OSBP2: variants seen among roughly 807,000 people sequenced by gnomAD.
OSBP2 encodes the protein oxysterol-binding protein 2.
In OSBP2, 66 loss-of-function variants were observed where a neutral mutation model predicts 96.0. The observed-to-expected ratio is 0.69, with a 90% confidence interval of 0.56 to 0.84. The LOEUF is 0.84. OSBP2 is among the 40% of genes least tolerant of loss of function. The pLI is 0.00. For synonymous variants in OSBP2, 525 were observed against 520.9 expected (o/e 1.01, Z -0.11); for missense variants, 1,038 against 1,222.7 (o/e 0.85, Z 2.25).
At position 30,871,849 on chromosome 22, in the gene OSBP2, G is replaced by A. The variant is rs1387343788; in HGVS notation, c.1107+1167G>A. On this transcript the variant is annotated intron_variant, in intron 3 of 13. Coordinates refer to ENST00000332585, the MANE Select transcript of OSBP2 (RefSeq NM_030758.4). This position sits in a 1 kb window ranked among gnomAD's most constrained non-coding sequence, Gnocchi z 4.7. ...CCCAAGCCGGCTTCACTGGCCTGTT[G>A]GCAGCATGATTGTGGGGCAGGAGGG... Among the ~76,000 whole-genome samples the A allele has an allele frequency of 6.6e-6, 1 of 152,256 alleles. No individual in the cohort carries two copies. The highest frequency in any genetic ancestry group is 6.5e-5 in the Admixed American group (1 of 15,290).
At chr22:30,703,531 A>G (rs2089196685) in intron 1 of OSBP2, among the ~76,000 whole-genome samples, 1 of 150,250 alleles carries the variant, frequency 6.7e-6, no homozygotes, top group South Asian at 2.1e-4. Flanking sequence ...GCTGGAGTGC[A>G]GTGGCACGAT....
At chr22:30,730,020 A>G (rs1429030396) in intron 1 of OSBP2, among the ~76,000 whole-genome samples, 1 of 151,874 alleles carries the variant, frequency 6.6e-6, no homozygotes, top group Non-Finnish European at 1.5e-5. Context: ...GTGCAGTGGC[A>G]CAATCTCGCT....
intron 2 of OSBP2, among the ~76,000 whole-genome samples, chr22:30,767,253 T>C (rs934663378): frequency 6.6e-6 from 1 of 151,122 alleles, no homozygotes; most frequent in African/African-American, 2.4e-5. Context: ...AAGGTTTCAG[T>C]GAGCTAAGGT....
At chr22:30,868,541 A>G (rs1229450667) in intron 2 of OSBP2, among the ~76,000 whole-genome samples, 2 of 152,252 alleles carry the variant, frequency 1.3e-5, no homozygotes, top group Non-Finnish European at 2.9e-5. Context: ...AGGCTCTGAG[A>G]GGTGAAGCCA....
At chr22:30,823,567 T>C (rs1482395073) in intron 2 of OSBP2, among the ~76,000 whole-genome samples, 1 of 152,250 alleles carries the variant, frequency 6.6e-6, no homozygotes, top group Non-Finnish European at 1.5e-5. Flanking sequence ...TGTAATTAAC[T>C]TTGCCTGCTT....
intron 2 of OSBP2, among the ~76,000 whole-genome samples, chr22:30,799,155 G>A (rs2090815212): frequency 6.8e-6 from 1 of 146,366 alleles, no homozygotes; most frequent in African/African-American, 2.5e-5. Context: ...TGTCGCCCAG[G>A]CTGGAGTGCA....
At chr22:30,827,427 G>A (rs943350476) in intron 2 of OSBP2, among the ~76,000 whole-genome samples, 4 of 152,176 alleles carry the variant, frequency 2.6e-5, no homozygotes, top group African/African-American at 9.7e-5. Context: ...GGCCTAAGGT[G>A]GTGAGAATTC....
At chr22:30,813,445 A>AT (rs2145861605) in intron 2 of OSBP2, among the ~76,000 whole-genome samples, 1 of 152,058 alleles carries the variant, frequency 6.6e-6, no homozygotes, top group South Asian at 2.1e-4. Flanking sequence ...AAGTGCTGGG[A>AT]TTATAGGCGT....
chr22:30,890,798 A>ACGTC lies in OSBP2; in HGVS notation c.1695_1696insGTCC (p.Lys566ValfsTer58). On this transcript the variant is annotated frameshift_variant, in exon 8 of 14. Coordinates refer to ENST00000332585, the MANE Select transcript of OSBP2 (RefSeq NM_030758.4). LOFTEE classifies it high-confidence loss of function. This position sits in a 1 kb window ranked among gnomAD's most constrained non-coding sequence, Gnocchi z 4.4. ...GACCTGGAGTACCACCACCTGCTGG[A>ACGTC]CAAGGCAGTGCACTGCACCAGCTCA... 1 of 1,613,602 alleles carries ACGTC rather than the reference A, an allele frequency of 6.2e-7. No homozygotes were observed. Among genetic ancestry groups the ACGTC allele is most frequent in the Non-Finnish European group, 8.5e-7 (1 of 1,180,014 alleles).
chr22:30,785,821 C>A (rs184178975), intron 2 of OSBP2, among the ~76,000 whole-genome samples: 2 of 152,004 alleles, frequency 1.3e-5, no homozygotes, highest in East Asian at 3.9e-4. Flanking sequence ...TCTGGCACTT[C>A]CCTATGCTCC....
At chr22:30,888,510 T>G (rs953687468) in intron 5 of OSBP2, among the ~76,000 whole-genome samples, 170 bp downstream of exon 5, 3 of 152,184 alleles carry the variant, frequency 2.0e-5, no homozygotes, top group African/African-American at 4.8e-5. Flanking sequence ...AGAAGATTGC[T>G]TGAATACAAG....
At chr22:30,863,605 A>G (rs901889393) in intron 2 of OSBP2, among the ~76,000 whole-genome samples, 4 of 152,176 alleles carry the variant, frequency 2.6e-5, no homozygotes, top group Non-Finnish European at 5.9e-5. Context: ...GCTTGAGGAC[A>G]AGGTCATGGG....
Position 30,812,004 on chromosome 22 carries a change from C to T in OSBP2, c.854-58425C>T, listed in dbSNP as rs188583153. On this transcript the variant is annotated intron_variant, in intron 2 of 13. Coordinates refer to ENST00000332585, the MANE Select transcript of OSBP2 (RefSeq NM_030758.4). Reference sequence around the variant, plus strand: ...CGAAGTACCTAGAACTACAGGTACACGCAACCACACCTGGCTAATTTTTTA... The same window carrying T: ...CGAAGTACCTAGAACTACAGGTACATGCAACCACACCTGGCTAATTTTTTA... 1.5e-4 allele frequency among the ~76,000 whole-genome samples: 22 copies of T among 151,568 alleles called. No individual in the cohort carries two copies. The East Asian group carries it at 2.9e-3, about 20-fold the overall frequency.
chr22:30,763,637 G>GAA lies in OSBP2; in HGVS notation c.853+22282_853+22283dup, dbSNP rs136338. Among the ~76,000 whole-genome samples the GAA allele has an allele frequency of 1.3e-3, 172 of 130,936 alleles. 1 individual carries two copies. Among genetic ancestry groups the GAA allele is most frequent in the East Asian group, 4.5e-3 (19 of 4,264 alleles). 85.9% of individuals were successfully genotyped at this position (130,936 alleles called of 152,430 possible). ...CTCCAGCCTGGGCAACAGAGTGACA[G>GAA]AAAAAAAAAAAAAAACCCACAGGTC... On this transcript the variant is annotated intron_variant, in intron 2 of 13. Transcript: ENST00000332585.
chr22:30,898,359 T>A (rs1017779338), intron 12 of OSBP2, among the ~76,000 whole-genome samples: 1 of 124,868 alleles, frequency 8.0e-6, no homozygotes, highest in African/African-American at 2.5e-5. Context: ...TCTCAAAAAA[T>A]AATAATAATT....
At chr22:30,845,077 A>G (rs994233593) in intron 2 of OSBP2, among the ~76,000 whole-genome samples, 1 of 152,260 alleles carries the variant, frequency 6.6e-6, no homozygotes, top group African/African-American at 2.4e-5. Flanking sequence ...GTTGCACTCC[A>G]GCAATTACAG....
intron 2 of OSBP2, among the ~76,000 whole-genome samples, chr22:30,846,490 A>G (rs976512987): frequency 1.3e-5 from 2 of 151,800 alleles, no homozygotes; most frequent in Admixed American, 6.6e-5. Context: ...GAGAGTTCCA[A>G]TTTTCCCACA....
At chr22:30,744,799 C>A (rs1189253836) in intron 2 of OSBP2, among the ~76,000 whole-genome samples, 1 of 151,916 alleles carries the variant, frequency 6.6e-6, no homozygotes, top group Non-Finnish European at 1.5e-5. Context: ...TAAATCAACT[C>A]TTAGGTGCTA....
intron 2 of OSBP2, among the ~76,000 whole-genome samples, chr22:30,787,086 C>T (rs2090600861): frequency 6.6e-6 from 1 of 152,188 alleles, no homozygotes; most frequent in Admixed American, 6.5e-5. Context: ...GCGTGAGCGA[C>T]TGTGCCCGGT....
Sources: gnomAD v4.1 joint callset for allele counts (sites outside exome capture counted in the v4.1 genomes callset) on GRCh38, gnomAD v4.1.1 for gene constraint, Gnocchi (gnomAD v3.1) non-coding constraint, MANE v1.5 for transcripts, NCBI Gene and HGNC (gene_info 2026-07-23, HGNC 2026-07-21) for gene names.